The following CDH13 variants were observed in gnomAD, a reference collection of about 807,000 sequenced individuals.
CDH13 encodes cadherin 13.
In CDH13, 24 loss-of-function variants were observed where a neutral mutation model predicts 63.8. That is an observed-to-expected ratio of 0.38 (90% CI 0.27 to 0.53). The LOEUF is 0.53. Ranked by LOEUF, CDH13 falls within the 20% of genes least tolerant of loss-of-function variation. The pLI is 0.85. For synonymous variants in CDH13, 503 were observed against 355.3 expected (o/e 1.42, Z -4.67); for missense variants, 1,049 against 903.1 (o/e 1.16, Z -2.07).
intron 1 of CDH13, among the ~76,000 whole-genome samples, chr16:82,681,049 G>C (rs1039955873): frequency 1.3e-5 from 2 of 152,222 alleles, no homozygotes; most frequent in African/African-American, 4.8e-5. Flanking sequence ...GATGAGAGCA[G>C]GTCTGTTCTG....
intron 5 of CDH13, among the ~76,000 whole-genome samples, chr16:83,302,219 C>G (rs2151877245): frequency 6.6e-6 from 1 of 152,238 alleles, no homozygotes; most frequent in East Asian, 1.9e-4. Flanking sequence ...AGTCAGAATC[C>G]CTAATTTTAA....
At chr16:82,987,395 G>C (rs1206966706) in intron 2 of CDH13, among the ~76,000 whole-genome samples, 2 of 152,094 alleles carry the variant, frequency 1.3e-5, no homozygotes, top group East Asian at 1.9e-4. Context: ...TTGAGACTTT[G>C]AGATGGAGTC....
chr16:83,557,325 GTAA>G (rs1039925448), intron 7 of CDH13, among the ~76,000 whole-genome samples: 5 of 152,062 alleles, frequency 3.3e-5, no homozygotes, highest in Non-Finnish European at 7.4e-5. Flanking sequence ...ACATTAGAAT[GTAA>G]TAATAATAGA....
At chr16:83,760,300 C>T (rs1913859600) in intron 11 of CDH13, among the ~76,000 whole-genome samples, 3 of 152,112 alleles carry the variant, frequency 2.0e-5, no homozygotes, top group Admixed American at 6.6e-5. Flanking sequence ...AACATAGTAT[C>T]AACTAAAGCT....
chr16:82,663,107 A>T (rs1397492369), intron 1 of CDH13, among the ~76,000 whole-genome samples: 2 of 152,220 alleles, frequency 1.3e-5, no homozygotes, highest in Admixed American at 1.3e-4. Flanking sequence ...ATCGCCAGAG[A>T]CTGCGGATTG....
At chr16:83,097,663 A>G (rs1430966611) in intron 3 of CDH13, among the ~76,000 whole-genome samples, 3 of 152,190 alleles carry the variant, frequency 2.0e-5, no homozygotes, top group Non-Finnish European at 4.4e-5. Context: ...TTTAGAGTTT[A>G]TGTGGGAAGT....
intron 10 of CDH13, among the ~76,000 whole-genome samples, chr16:83,717,412 G>A (rs777982853): frequency 1.3e-5 from 2 of 152,138 alleles, no homozygotes; most frequent in African/African-American, 2.4e-5. Context: ...TGTCTGAACT[G>A]CCTGGTTCAC....
At chr16:82,817,192 T>C (rs891269881) in intron 1 of CDH13, among the ~76,000 whole-genome samples, 4 of 152,092 alleles carry the variant, frequency 2.6e-5, no homozygotes, top group Admixed American at 2.6e-4. Flanking sequence ...AGGTACCTGT[T>C]CCTTTTTCTG....
chr16:82,700,974 C>CCCCG lies in CDH13; in HGVS notation c.45+73837_45+73838insCCCG, dbSNP rs1491560033. 3.8e-4 allele frequency among the ~76,000 whole-genome samples: 15 copies of CCCCG among 39,650 alleles called. 1 individual carries two copies. Among genetic ancestry groups the CCCCG allele is most frequent in the East Asian group, 1.2e-3 (1 of 830 alleles). 26.0% of individuals were successfully genotyped at this position (39,650 alleles called of 152,430 possible). A position where few individuals can be genotyped will look rare whatever the true frequency, so the allele number is the denominator to read the frequency against. ...GAACCCGCCCCCCCCCCCCCCCCCC[C>CCCCG]GCCCCGGGCATCTCCAAACTGCTGT... On this transcript the variant is annotated intron_variant, in intron 1 of 13. Coordinates refer to ENST00000567109, the MANE Select transcript of CDH13 (RefSeq NM_001257.5).
chr16:83,480,566 G>C (rs568371841), intron 6 of CDH13, among the ~76,000 whole-genome samples: 17 of 152,138 alleles, frequency 1.1e-4, no homozygotes, highest in Non-Finnish European at 2.5e-4. Context: ...ATGGCTGTAG[G>C]CTGTGTCCCA....
chr16:83,216,675 TA>T (rs935288950), intron 4 of CDH13, among the ~76,000 whole-genome samples: 1 of 145,882 alleles, frequency 6.9e-6, no homozygotes, highest in African/African-American at 2.5e-5. Context: ...TTCACATATA[TA>T]AAACCCCTAA....
chr16:82,960,197 G>T (rs1195140888), intron 2 of CDH13, among the ~76,000 whole-genome samples: 1 of 152,164 alleles, frequency 6.6e-6, no homozygotes, highest in Non-Finnish European at 1.5e-5. Context: ...CAAAGCATGG[G>T]TGGGTGTGGC....
At chr16:82,991,066 A>T (rs964023935) in intron 2 of CDH13, among the ~76,000 whole-genome samples, 1 of 152,302 alleles carries the variant, frequency 6.6e-6, no homozygotes, top group South Asian at 2.1e-4. Flanking sequence ...CCTGCCATGC[A>T]CCTGCCATCC....
At chr16:83,116,952 C>A (rs1488124786) in intron 3 of CDH13, among the ~76,000 whole-genome samples, 5 of 152,168 alleles carry the variant, frequency 3.3e-5, no homozygotes, top group African/African-American at 1.2e-4. Context: ...CTTTCACATG[C>A]AGCTTCTCAT....
At chr16:83,185,332 G>A (rs2038486592) in intron 4 of CDH13, among the ~76,000 whole-genome samples, 1 of 152,144 alleles carries the variant, frequency 6.6e-6, no homozygotes, top group Non-Finnish European at 1.5e-5. Flanking sequence ...TGAGGATAAA[G>A]CACCTGACCT....
In CDH13 at chr16:82,920,454, C is replaced by T. The variant is rs76308065; in HGVS notation, c.157+61981C>T. 8.0e-3 allele frequency among the ~76,000 whole-genome samples: 1,224 copies of T among 152,272 alleles called. 111 individuals are homozygous for T. In the East Asian group the frequency reaches 0.2, roughly 25 times the overall value. ...GTCCATGAATCAGTGATGTGGCCAA[C>T]AAAGACAACATACACTGGTGATCAT... On this transcript the variant is annotated intron_variant, in intron 2 of 13. Transcript: ENST00000567109.
chr16:83,274,773 TCTA>T (rs1597641227), intron 5 of CDH13, among the ~76,000 whole-genome samples: 1 of 152,240 alleles, frequency 6.6e-6, no homozygotes. Flanking sequence ...CCACGCCAGA[TCTA>T]CTACTAAGAA....
chr16:82,827,133 AT>A (rs1323032827), intron 1 of CDH13, among the ~76,000 whole-genome samples: 1 of 152,144 alleles, frequency 6.6e-6, no homozygotes, highest in Non-Finnish European at 1.5e-5. Context: ...AGTGCTAATT[AT>A]TTTTTTGAAA....
chr16:83,789,400 G>T (rs1916110202), intron 13 of CDH13, among the ~76,000 whole-genome samples: 1 of 148,790 alleles, frequency 6.7e-6, no homozygotes. Flanking sequence ...AGGCTGGAGT[G>T]CAAGGGCGCG....
Sources: gnomAD v4.1 joint callset for allele counts (sites outside exome capture counted in the v4.1 genomes callset) on GRCh38, gnomAD v4.1.1 for gene constraint, MANE v1.5 for transcripts, NCBI Gene and HGNC (gene_info 2026-07-23, HGNC 2026-07-21) for gene names.